FGF14: variants seen among roughly 807,000 people sequenced by gnomAD.
FGF14 encodes fibroblast growth factor 14.
FGF14 carries 5 observed loss-of-function variants against 25.5 expected under a neutral mutation model. That is an observed-to-expected ratio of 0.20 (90% CI 0.10 to 0.41). The LOEUF is 0.41. FGF14 is among the 10% of genes least tolerant of loss of function. The pLI is 1.00. For synonymous variants in FGF14, 138 were observed against 118.3 expected (o/e 1.17, Z -1.08); for missense variants, 222 against 320.1 (o/e 0.69, Z 2.34).
chr13:102,168,099 C>G (rs574491866), intron 1 of FGF14, among the ~76,000 whole-genome samples: 3 of 152,206 alleles, frequency 2.0e-5, no homozygotes, highest in South Asian at 4.1e-4. Flanking sequence ...TCACTGACAG[C>G]CATTCCTTAA....
At chr13:101,816,236 C>G (rs889893794) in intron 3 of FGF14, among the ~76,000 whole-genome samples, 14 of 140,626 alleles carry the variant, frequency 1.0e-4, no homozygotes, top group South Asian at 2.2e-4. Flanking sequence ...CGCCACTGCA[C>G]TCCAACCTGG....
chr13:102,039,131 C>A (rs1249698409), intron 1 of FGF14, among the ~76,000 whole-genome samples: 1 of 152,190 alleles, frequency 6.6e-6, no homozygotes, highest in Non-Finnish European at 1.5e-5. Flanking sequence ...GAATTCAATT[C>A]AGATTTAAAG....
At chr13:102,328,374 A>G (rs2056528693) in intron 1 of FGF14, among the ~76,000 whole-genome samples, 1 of 152,228 alleles carries the variant, frequency 6.6e-6, no homozygotes, top group Non-Finnish European at 1.5e-5. Context: ...TCTGGCTAAA[A>G]TAGGTGAATT....
chr13:102,066,973 C>A (rs1595159483), intron 1 of FGF14, among the ~76,000 whole-genome samples: 1 of 152,152 alleles, frequency 6.6e-6, no homozygotes, highest in Non-Finnish European at 1.5e-5. Context: ...GTATTTAAAG[C>A]TTTCCACAGT....
chr13:101,856,536 G>A (rs141272101), intron 3 of FGF14, among the ~76,000 whole-genome samples: 6 of 151,926 alleles, frequency 3.9e-5, no homozygotes, highest in South Asian at 2.1e-4. Context: ...TAATGTGGTC[G>A]AGGCTATGAC....
chr13:102,395,825 C>G (rs7993790), intron 1 of FGF14: 45,698 of 152,062 alleles, frequency 0.3, 7,373 homozygotes, highest in African/African-American at 0.4. Flanking sequence ...CTTCACTGTT[C>G]CCTATAAAAC....
intron 1 of FGF14, among the ~76,000 whole-genome samples, chr13:102,035,898 G>A (rs901148675): frequency 2.0e-5 from 3 of 152,126 alleles, no homozygotes; most frequent in African/African-American, 7.2e-5. Context: ...AGCAGAATGT[G>A]TGGAGCACAT....
At chr13:102,257,556 C>G (rs2052510436) in intron 1 of FGF14, among the ~76,000 whole-genome samples, 1 of 151,768 alleles carries the variant, frequency 6.6e-6, no homozygotes, top group South Asian at 2.1e-4. Flanking sequence ...TGGTCTCAAA[C>G]TCCTGACCTG....
At chr13:102,335,044 C>G (rs1197510637) in intron 1 of FGF14, among the ~76,000 whole-genome samples, 2 of 152,154 alleles carry the variant, frequency 1.3e-5, no homozygotes, top group African/African-American at 2.4e-5. Context: ...TCCATCAAAC[C>G]CTACTTTCCT....
chr13:101,747,441 T>A (rs1189067716), intron 3 of FGF14, among the ~76,000 whole-genome samples: 2 of 151,864 alleles, frequency 1.3e-5, no homozygotes, highest in Admixed American at 6.6e-5. Flanking sequence ...TTCAAACAGA[T>A]CTAATTAATT....
intron 1 of FGF14, among the ~76,000 whole-genome samples, chr13:102,166,895 T>C (rs1409716905): frequency 6.6e-6 from 1 of 152,134 alleles, no homozygotes; most frequent in Non-Finnish European, 1.5e-5. Context: ...TAATTCACTG[T>C]TTTCAGTGAC....
chr13:102,194,280 ATTTAAT>A (rs1029331300), intron 1 of FGF14, among the ~76,000 whole-genome samples: 1 of 152,144 alleles, frequency 6.6e-6, no homozygotes, highest in African/African-American at 2.4e-5. Flanking sequence ...TCTTTTTTTA[ATTTAAT>A]TTTAATTTCT....
chr13:101,854,076 C>G (rs964766322), intron 3 of FGF14, among the ~76,000 whole-genome samples: 1 of 151,908 alleles, frequency 6.6e-6, no homozygotes, highest in East Asian at 1.9e-4. Flanking sequence ...GAGATATGTT[C>G]CTAACGCAGG....
At chr13:102,294,802 CA>C (rs1221178660) in intron 1 of FGF14, among the ~76,000 whole-genome samples, 1 of 152,124 alleles carries the variant, frequency 6.6e-6, no homozygotes, top group Non-Finnish European at 1.5e-5. Flanking sequence ...CCCTCAGAAC[CA>C]TCTGTGTGAC....
intron 1 of FGF14, among the ~76,000 whole-genome samples, chr13:102,258,096 C>T (rs531684946): frequency 2.4e-4 from 37 of 152,210 alleles, no homozygotes; most frequent in African/African-American, 5.5e-4. Flanking sequence ...GAGAGCCAAA[C>T]GAAAGGGGTT....
intron 1 of FGF14, among the ~76,000 whole-genome samples, chr13:102,034,368 T>TGA (rs2041366896): frequency 6.6e-6 from 1 of 152,168 alleles, no homozygotes; most frequent in Non-Finnish European, 1.5e-5. Flanking sequence ...ATCAAGCAAG[T>TGA]GATTTGTATA....
intron 1 of FGF14, among the ~76,000 whole-genome samples, chr13:102,241,411 A>ACAGC (rs2051592994): frequency 1.3e-5 from 2 of 152,122 alleles, no homozygotes; most frequent in African/African-American, 2.4e-5. Context: ...TGTACCCCAT[A>ACAGC]CAATCCATGT....
intron 3 of FGF14, among the ~76,000 whole-genome samples, chr13:101,794,078 T>G (rs2040386971): frequency 6.6e-6 from 1 of 152,112 alleles, no homozygotes; most frequent in African/African-American, 2.4e-5. Context: ...AGTTGGCTTC[T>G]GACCATATTC....
At chr13:101,856,204 C>T (rs1425860357) in intron 3 of FGF14, among the ~76,000 whole-genome samples, 1 of 151,562 alleles carries the variant, frequency 6.6e-6, no homozygotes, top group African/African-American at 2.4e-5. Flanking sequence ...TAAAAGAATG[C>T]CTCTTACTTC....
Sources: gnomAD v4.1 joint callset for allele counts (sites outside exome capture counted in the v4.1 genomes callset) on GRCh38, gnomAD v4.1.1 for gene constraint, MANE v1.5 for transcripts, NCBI Gene and HGNC (gene_info 2026-07-23, HGNC 2026-07-21) for gene names.